The following SAXO1 variants were observed in gnomAD, a reference collection of about 807,000 sequenced individuals.
SAXO1 encodes stabilizer of axonemal microtubules 1, also known as 4930500O09Rik.
SAXO1 carries 21 observed loss-of-function variants against 17.5 expected under a neutral mutation model. That is an observed-to-expected ratio of 1.20 (90% CI 0.85 to 1.72). The LOEUF (loss-of-function observed/expected upper bound fraction) is 1.72, where lower values mean the gene tolerates loss of function less well. Ranked by LOEUF, SAXO1 falls within the 40% of genes most tolerant of loss-of-function variation. SAXO1 has a pLI of 0.00. For synonymous variants in SAXO1, 274 were observed against 216.5 expected (o/e 1.27, Z -2.33); for missense variants, 843 against 596.0 (o/e 1.41, Z -4.32).
chr9:19,042,045 C>T (rs1836091208), intron 1 of SAXO1, among the ~76,000 whole-genome samples: 1 of 152,120 alleles, frequency 6.6e-6, no homozygotes, highest in African/African-American at 2.4e-5. Context: ...AACTACCCAT[C>T]TGATAAAAAA....
intron 1 of SAXO1, among the ~76,000 whole-genome samples, chr9:18,987,954 A>G (rs1467652275): frequency 2.0e-5 from 2 of 100,552 alleles, no homozygotes; most frequent in Non-Finnish European, 5.2e-5. Flanking sequence ...CTACATCTTC[A>G]TAACTGATGA....
At chr9:19,033,894 C>A (rs1467973631), upstream of SAXO1, among the ~76,000 whole-genome samples, 1 of 152,128 alleles carries the variant, frequency 6.6e-6, no homozygotes, top group Non-Finnish European at 1.5e-5. Flanking sequence ...GGGCCACGGA[C>A]CACACTTTAA....
At chr9:19,039,346 C>G (rs1214200483) in intron 1 of SAXO1, among the ~76,000 whole-genome samples, 1 of 152,126 alleles carries the variant, frequency 6.6e-6, no homozygotes, top group Non-Finnish European at 1.5e-5. Flanking sequence ...GATTATAACT[C>G]TAGGCTTTTA....
intron 1 of SAXO1, among the ~76,000 whole-genome samples, chr9:19,001,023 G>C (rs987707217): frequency 1.3e-5 from 2 of 152,254 alleles, no homozygotes; most frequent in African/African-American, 4.8e-5. Flanking sequence ...ATATTAGACA[G>C]ATCAACGAGA....
At chr9:18,964,160 C>T (rs7869303) in intron 1 of SAXO1, among the ~76,000 whole-genome samples, 8 of 152,080 alleles carry the variant, frequency 5.3e-5, no homozygotes, top group Admixed American at 2.6e-4. Context: ...ATGTGCTGCT[C>T]GATTCGGTTT....
At chr9:18,973,542 C>A (rs2131801250) in intron 1 of SAXO1, among the ~76,000 whole-genome samples, 1 of 152,368 alleles carries the variant, frequency 6.6e-6, no homozygotes, top group Non-Finnish European at 1.5e-5. Flanking sequence ...GTGTCTTGCC[C>A]TTGTTATCAT....
intron 1 of SAXO1, among the ~76,000 whole-genome samples, chr9:19,022,639 G>C (rs1835296219): frequency 6.6e-6 from 1 of 152,154 alleles, no homozygotes; most frequent in African/African-American, 2.4e-5. Flanking sequence ...GTTTCTAAAA[G>C]TTAAGTTATT....
In SAXO1 at chr9:19,044,369, G is replaced by C. The variant is rs118152554; in HGVS notation, c.-158+4840C>G. On this transcript the variant is annotated intron_variant, in intron 1 of 3. Transcript: ENST00000542071. ...ATCAAATTATCATTATTCCATTTGA[G>C]CATTTTAGATTAAGATCTCTCCTAT... Among the ~76,000 whole-genome samples the C allele has an allele frequency of 2.7e-3, 407 of 152,224 alleles. 1 individual carries two copies. Among genetic ancestry groups the C allele is most frequent in the Non-Finnish European group, 4.9e-3 (330 of 68,030 alleles).
chr9:18,951,407 C>T (rs1241825558), intron 1 of SAXO1, among the ~76,000 whole-genome samples: 2 of 152,120 alleles, frequency 1.3e-5, no homozygotes, highest in African/African-American at 4.8e-5. Flanking sequence ...TGGGTCAACT[C>T]GGAATATCAT....
At chr9:19,029,844 T>C (rs1409693644) in intron 1 of SAXO1, among the ~76,000 whole-genome samples, 1 of 152,160 alleles carries the variant, frequency 6.6e-6, no homozygotes, top group East Asian at 1.9e-4. Context: ...CATCTCTAAA[T>C]CTTACATTCC....
At chr9:18,947,637 G>C (rs920426341) in intron 2 of SAXO1, 1 of 152,186 alleles carries the variant, frequency 6.6e-6, no homozygotes, top group Admixed American at 6.5e-5. Flanking sequence ...GTTTTACATG[G>C]TGACATGCCT....
intron 1 of SAXO1, among the ~76,000 whole-genome samples, chr9:19,018,045 G>A (rs1405763022): frequency 6.6e-6 from 1 of 152,020 alleles, no homozygotes; most frequent in Non-Finnish European, 1.5e-5. Flanking sequence ...GTACACACCT[G>A]TAGTCTCAGC....
chr9:18,932,076 A>G (rs1022296473), intron 3 of SAXO1, among the ~76,000 whole-genome samples: 3 of 152,288 alleles, frequency 2.0e-5, no homozygotes, highest in South Asian at 4.1e-4. Flanking sequence ...AGTCCTATTT[A>G]TATCTTTAAT....
At chr9:18,945,302 C>G (rs1831743049) in intron 2 of SAXO1, among the ~76,000 whole-genome samples, 1 of 152,224 alleles carries the variant, frequency 6.6e-6, no homozygotes, top group Non-Finnish European at 1.5e-5. Context: ...CCTTATCCCA[C>G]TGTGGTTGTT....
chr9:18,928,159 G>A lies in SAXO1; in HGVS notation c.1318C>T (p.His440Tyr). The A allele has an allele frequency of 1.9e-6, 3 of 1,614,168 alleles. No homozygotes were observed. The highest frequency in any genetic ancestry group is 2.5e-6 in the Non-Finnish European group (3 of 1,180,022). ...TGGGAAACTGGTTTGTATATCCTGT[G>A]ACCCAAAGCATCCACTTCCTCAAAG... ...YTFEEVDALGHRIYKPVSQAG... is the reference protein window; with the variant it reads ...YTFEEVDALGYRIYKPVSQAG... The change falls in exon 4 of 4, where the codon CAC becomes TAC. Residue 440 changes from histidine (H) to tyrosine (Y), a missense_variant. Physicochemically the swap from His to Tyr is moderately conservative, Grantham distance 83. Transcript: ENST00000380534.
Position 18,993,106 on chromosome 9 carries a change from AT to A in SAXO1, c.38+39764del, listed in dbSNP as rs201231209. 6.5e-3 allele frequency among the ~76,000 whole-genome samples: 940 copies of A among 144,988 alleles called. 1 individual carries two copies. The highest frequency in any genetic ancestry group is 0.014 in the Middle Eastern group (4 of 282). ...TGGGCCACCATGCCCAGCCAGAACA[AT>A]TTTTTTTTTTTTTACTTTAAGTTCT... On this transcript the variant is annotated intron_variant, in intron 1 of 3. Transcript: ENST00000380534.
intron 1 of SAXO1, among the ~76,000 whole-genome samples, chr9:19,026,090 A>C (rs1194027902): frequency 2.0e-5 from 3 of 149,904 alleles, no homozygotes; most frequent in Non-Finnish European, 4.5e-5. Flanking sequence ...ATTTCAAAAT[A>C]GCTAGAAGAT....
At chr9:19,035,820 C>G (rs1002564142), upstream of SAXO1, among the ~76,000 whole-genome samples, 3 of 152,082 alleles carry the variant, frequency 2.0e-5, no homozygotes, top group African/African-American at 7.2e-5. Context: ...GAAGTTTGAA[C>G]TTGAGGGAGA....
chr9:18,954,386 G>T (rs948711242), intron 1 of SAXO1, among the ~76,000 whole-genome samples: 1 of 151,748 alleles, frequency 6.6e-6, no homozygotes, highest in African/African-American at 2.4e-5. Flanking sequence ...ATCCAGGCTG[G>T]AGGGCAGTGG....
Sources: allele counts gnomAD v4.1 joint callset (sites outside exome capture counted in the v4.1 genomes callset), GRCh38; gene constraint gnomAD v4.1.1; transcripts MANE v1.5; gene names NCBI Gene and HGNC (gene_info 2026-07-23, HGNC 2026-07-21).